Variants in NT5DC1 observed in about 807,000 individuals in gnomAD.
NT5DC1 encodes the protein 5'-nucleotidase domain containing 1.
In NT5DC1, 42 loss-of-function variants were observed where a neutral mutation model predicts 59.4. The ratio of observed to expected loss-of-function variants is 0.71; its 90% confidence interval spans 0.55 to 0.92. The LOEUF (loss-of-function observed/expected upper bound fraction) is 0.92, where lower values mean the gene tolerates loss of function less well. Ranked by LOEUF, NT5DC1 falls within the 40% of genes least tolerant of loss-of-function variation. The pLI is 0.00. For missense variants in NT5DC1, 501 were observed against 537.1 expected (o/e 0.93, Z 0.66); for synonymous variants, 172 against 188.1 (o/e 0.91, Z 0.70).
At chr6:116,215,340 A>G (rs150753694) in intron 6 of NT5DC1, among the ~76,000 whole-genome samples, 89 of 152,246 alleles carry the variant, frequency 5.8e-4, no homozygotes, top group African/African-American at 2.1e-3. Flanking sequence ...TACTTTGTCT[A>G]TACTGTGGAG....
At position 116,218,999 on chromosome 6, in the gene NT5DC1, T is replaced by C. The variant is rs541472399; in HGVS notation, c.530-2055T>C. The stretch of plus-strand genomic sequence containing the variant: ...AGTTAGTCAGTGACTTAATCAGAAA[T>C]CCAGTGGTGGCCAGGCACAGTGGCT... On this transcript the variant is annotated intron_variant, in intron 6 of 11. Transcript: ENST00000319550. Among the ~76,000 whole-genome samples, 67 of 152,168 alleles carry C rather than the reference T, an allele frequency of 4.4e-4. 1 individual carries two copies. The South Asian group carries it at 0.013, about 31-fold the overall frequency.
intron 6 of NT5DC1, among the ~76,000 whole-genome samples, chr6:116,208,543 A>G (rs1054170597): frequency 2.0e-5 from 3 of 152,054 alleles, no homozygotes; most frequent in Non-Finnish European, 4.4e-5. Flanking sequence ...TACTTAGGCA[A>G]TAGTGCCTTT....
intron 9 of NT5DC1, chr6:116,237,370 C>T: frequency 1.8e-6 from 1 of 544,248 alleles, no homozygotes; most frequent in South Asian, 1.5e-5. Flanking sequence ...TACAGACTAG[C>T]TTAAAGATAC....
At chr6:116,184,446 A>G (rs1038508682) in intron 6 of NT5DC1, among the ~76,000 whole-genome samples, 1 of 151,996 alleles carries the variant, frequency 6.6e-6, no homozygotes, top group African/African-American at 2.4e-5. Context: ...ATCTTTTGAA[A>G]TAGTGTCAAT....
chr6:116,236,161 A>C (rs1290402577), intron 8 of NT5DC1, among the ~76,000 whole-genome samples: 1 of 152,208 alleles, frequency 6.6e-6, no homozygotes, highest in Non-Finnish European at 1.5e-5. Context: ...GATGTGAGAA[A>C]AAAGAGGTTA....
At chr6:116,194,494 C>A (rs1236370420) in intron 6 of NT5DC1, among the ~76,000 whole-genome samples, 1 of 151,808 alleles carries the variant, frequency 6.6e-6, no homozygotes, top group Non-Finnish European at 1.5e-5. Context: ...TCACTAATAG[C>A]CTATTTTATG....
chr6:116,206,031 T>G (rs902042165), intron 6 of NT5DC1, among the ~76,000 whole-genome samples: 1 of 151,982 alleles, frequency 6.6e-6, no homozygotes, highest in African/African-American at 2.4e-5. Flanking sequence ...AGCCCAGTGT[T>G]TTTTCCTGGA....
chr6:116,185,503 T>C (rs1043086212), intron 6 of NT5DC1, among the ~76,000 whole-genome samples: 1 of 152,116 alleles, frequency 6.6e-6, no homozygotes. Context: ...TGATCTCATT[T>C]TTCTTAAGTC....
chr6:116,241,012 C>T (rs1321060342), intron 11 of NT5DC1, among the ~76,000 whole-genome samples: 1 of 151,774 alleles, frequency 6.6e-6, no homozygotes, highest in Non-Finnish European at 1.5e-5. Context: ...GGTGTGGTAG[C>T]AGGTGCCTGT....
chr6:116,121,306 T>C (rs925921200), intron 6 of NT5DC1: 1 of 1,613,824 alleles, frequency 6.2e-7, no homozygotes. Flanking sequence ...GGCCTGGGGC[T>C]CCAGCAGCTC....
At position 116,244,185 on chromosome 6, in the gene NT5DC1, C is replaced by T. The variant is rs1771793032; in HGVS notation, c.*161C>T. On this transcript the variant is annotated 3_prime_UTR_variant, in exon 12 of 12. Transcript: ENST00000319550. Reference sequence around the variant, plus strand: ...TTCTATAAATCATCTTGATGTTTAACAACTCTTATTATATTAAAATCTCAG... The same window carrying T: ...TTCTATAAATCATCTTGATGTTTAATAACTCTTATTATATTAAAATCTCAG... 2.2e-6 allele frequency: 1 copy of T among 456,362 alleles called. No homozygotes were observed. Among genetic ancestry groups the T allele is most frequent in the Non-Finnish European group, 3.9e-6 (1 of 256,114 alleles). The allele number at this position is 456,362 out of a possible 1,614,324, so 28.3% of individuals were successfully genotyped here.
intron 6 of NT5DC1, among the ~76,000 whole-genome samples, chr6:116,152,118 A>T (rs1407482237): frequency 6.6e-6 from 1 of 152,212 alleles, no homozygotes. Flanking sequence ...TGTATGTCAC[A>T]ATCTATTTTC....
At chr6:116,222,394 G>C (rs1781824793) in intron 7 of NT5DC1, among the ~76,000 whole-genome samples, 1 of 152,044 alleles carries the variant, frequency 6.6e-6, no homozygotes, top group African/African-American at 2.4e-5. Context: ...TAGAATGTTG[G>C]GTAAATACTG....
At chr6:116,115,254 A>T (rs1778943490) in intron 4 of NT5DC1, among the ~76,000 whole-genome samples, 1 of 152,194 alleles carries the variant, frequency 6.6e-6, no homozygotes, top group African/African-American at 2.4e-5. Flanking sequence ...ATAAAAATAG[A>T]ATACAGTACT....
intron 6 of NT5DC1, among the ~76,000 whole-genome samples, chr6:116,176,813 G>A (rs1472598401): frequency 6.6e-6 from 1 of 152,106 alleles, no homozygotes; most frequent in Non-Finnish European, 1.5e-5. Flanking sequence ...CCCCCTAGAG[G>A]GACAGATACA....
intron 5 of NT5DC1, among the ~76,000 whole-genome samples, chr6:116,117,152 A>T (rs1412600861): frequency 6.6e-6 from 1 of 152,206 alleles, no homozygotes; most frequent in South Asian, 2.1e-4. Context: ...TTGATGCCAT[A>T]GTATGTTATA....
chr6:116,120,985 ACC>A (rs749434662), intron 6 of NT5DC1: 1 of 1,611,622 alleles, frequency 6.2e-7, no homozygotes, highest in Non-Finnish European at 8.5e-7. Context: ...AACCCCTTTC[ACC>A]CTTAGCCCCA....
Position 116,218,834 on chromosome 6 carries a change from C to T in NT5DC1, c.530-2220C>T, listed in dbSNP as rs1781737884. ...TTAGTTTTGGTCTGGTTATGATATT[C>T]ATGCAATATATTTTCTGAATCATGA... On this transcript the variant is annotated intron_variant, in intron 6 of 11. Transcript: ENST00000319550. Among the ~76,000 whole-genome samples, 3 of 152,004 alleles carry T rather than the reference C, an allele frequency of 2.0e-5. No homozygotes were observed. The South Asian group carries it at 6.2e-4, about 31-fold the overall frequency.
chr6:116,158,350 C>G (rs957909791), intron 6 of NT5DC1, among the ~76,000 whole-genome samples: 1 of 151,840 alleles, frequency 6.6e-6, no homozygotes, highest in African/African-American at 2.4e-5. Flanking sequence ...ATCTCCTACT[C>G]AAGCTTCTCT....
Sources: allele counts gnomAD v4.1 joint callset (sites outside exome capture counted in the v4.1 genomes callset), GRCh38; gene constraint gnomAD v4.1.1; transcripts MANE v1.5; gene names NCBI Gene and HGNC (gene_info 2026-07-23, HGNC 2026-07-21).